DPP6: variants seen among roughly 807,000 people sequenced by gnomAD.
The protein encoded by DPP6 is A-type potassium channel modulatory protein DPP6.
A neutral mutation model predicts 122.6 loss-of-function variants in DPP6; 69 were observed. The observed-to-expected ratio is 0.56, with a 90% CI of 0.46 to 0.69. The LOEUF is 0.69. Among genes scored for constraint, DPP6 ranks in the 30% least tolerant of loss-of-function variants. The pLI is 0.00. For synonymous variants in DPP6, 418 were observed against 433.1 expected (o/e 0.97, Z 0.43); for missense variants, 928 against 1,116.9 (o/e 0.83, Z 2.41).
At chr7:154,710,592 C>T (rs1322041353) in intron 7 of DPP6, among the ~76,000 whole-genome samples, 1 of 152,196 alleles carries the variant, frequency 6.6e-6, no homozygotes, top group Non-Finnish European at 1.5e-5. Context: ...CACCAGGACT[C>T]CTTAGGTTGT....
chr7:154,270,161 T>G (rs568962650), intron 1 of DPP6, among the ~76,000 whole-genome samples: 7 of 152,172 alleles, frequency 4.6e-5, no homozygotes, highest in Non-Finnish European at 8.8e-5. Flanking sequence ...CATTGTTAGT[T>G]TTCCATATTC....
At chr7:154,670,962 A>T (rs1426524189) in intron 7 of DPP6, among the ~76,000 whole-genome samples, 1 of 152,238 alleles carries the variant, frequency 6.6e-6, no homozygotes, top group Non-Finnish European at 1.5e-5. Flanking sequence ...TATGTAACTG[A>T]TCAAAATCAC....
At chr7:153,868,268 A>C in the DPP6 span, among the ~76,000 whole-genome samples, 4 of 152,042 alleles carry the variant, frequency 2.6e-5, no homozygotes, top group African/African-American at 4.8e-5. Context: ...TTGGCTGTGA[A>C]TCCATCTGGT....
At chr7:153,838,645 G>A in the DPP6 span, among the ~76,000 whole-genome samples, 1 of 152,188 alleles carries the variant, frequency 6.6e-6, no homozygotes, top group African/African-American at 2.4e-5. Context: ...GAGTGAAATA[G>A]CGTATAGTAA....
At chr7:154,187,288 G>GGT (rs1798396018) in intron 1 of DPP6, among the ~76,000 whole-genome samples, 6 of 152,192 alleles carry the variant, frequency 3.9e-5, no homozygotes, top group African/African-American at 4.8e-5. Context: ...GTGGGAATAA[G>GGT]AGCACAGTTG....
intron 16 of DPP6, among the ~76,000 whole-genome samples, chr7:154,808,166 C>A (rs983297696): frequency 6.6e-5 from 10 of 152,216 alleles, no homozygotes; most frequent in African/African-American, 1.7e-4. Flanking sequence ...GAGTTTCAAT[C>A]CCCTAAGCCA....
chr7:154,668,730 C>T (rs1033544877), intron 6 of DPP6, among the ~76,000 whole-genome samples: 1 of 152,142 alleles, frequency 6.6e-6, no homozygotes, highest in African/African-American at 2.4e-5. Context: ...ATTTTTCCCA[C>T]CATGACCTTT....
chr7:154,419,885 G>A (rs1278781880), intron 1 of DPP6, among the ~76,000 whole-genome samples: 1 of 152,204 alleles, frequency 6.6e-6, no homozygotes, highest in Non-Finnish European at 1.5e-5. Context: ...AGAGACACCA[G>A]CACCCCCATG....
chr7:154,209,707 A>G (rs918559532), intron 1 of DPP6, among the ~76,000 whole-genome samples: 4 of 152,194 alleles, frequency 2.6e-5, no homozygotes, highest in African/African-American at 9.7e-5. Context: ...GAGTTCGGAA[A>G]TTGCTTTTTG....
chr7:154,570,839 T>C (rs75106197), intron 5 of DPP6, among the ~76,000 whole-genome samples: 1,856 of 152,242 alleles, frequency 0.012, 18 homozygotes, highest in South Asian at 0.016. Flanking sequence ...TCAAGTAAAT[T>C]TGAGAAACAG....
intron 5 of DPP6, among the ~76,000 whole-genome samples, chr7:154,612,381 A>G (rs750012893): frequency 3.3e-5 from 5 of 152,246 alleles, no homozygotes; most frequent in Non-Finnish European, 2.9e-5. Context: ...TGTCATTTCA[A>G]GAATGTTATA....
At chr7:154,396,963 C>CT (rs974482206) in intron 1 of DPP6, among the ~76,000 whole-genome samples, 3 of 151,920 alleles carry the variant, frequency 2.0e-5, no homozygotes, top group South Asian at 2.1e-4. Context: ...AAAAAGTACT[C>CT]TTTTTTTGCA....
In DPP6 at chr7:154,893,259, G is replaced by T; in HGVS notation, c.*779G>T. 3.8e-6 allele frequency: 1 copy of T among 260,510 alleles called. No homozygotes were observed. The highest frequency in any genetic ancestry group is 7.6e-6 in the Non-Finnish European group (1 of 131,418). The allele number at this position is 260,510 out of a possible 1,614,324, so 16.1% of individuals were successfully genotyped here. ...CCTCAAGGTTGTCTTCAGACGTCTT[G>T]GGGACGTTCCTAAACACTGAGGGGG... is the stretch of plus-strand genomic sequence containing the variant. On this transcript the variant is annotated 3_prime_UTR_variant, in exon 26 of 26. Transcript: ENST00000377770.
At position 153,984,053 on chromosome 7, in the gene DPP6, A is replaced by AACACACAC. The variant is rs528640069; in HGVS notation, c.51+96362_51+96369dup. Among the ~76,000 whole-genome samples the AACACACAC allele has an allele frequency of 1.0e-3, 134 of 132,010 alleles. 1 individual carries two copies. Among genetic ancestry groups the AACACACAC allele is most frequent in the East Asian group, 4.2e-3 (18 of 4,278 alleles). 86.6% of individuals were successfully genotyped at this position (132,010 alleles called of 152,430 possible). ...TTATTCTAACAACCATTCTGTCCATAACACACACACACACACACACACACA... is the reference window on the plus strand; with the variant it reads ...TTATTCTAACAACCATTCTGTCCATAACACACACACACACACACACACACACACACACA... On this transcript the variant is annotated intron_variant, in intron 1 of 25. Transcript: ENST00000404039.
rs564477141 is a variant in DPP6 at position 154,564,033 on chromosome 7, A to G, written c.553-2809A>G. On this transcript the variant is annotated intron_variant, in intron 4 of 25. Transcript: ENST00000377770. ...AAGGAGAAGCACAAAATAGCATGAA[A>G]AGAACCAGCGAGGGAGGTAGGAGAA... Among the ~76,000 whole-genome samples, 13 of 152,304 alleles carry G rather than the reference A, an allele frequency of 8.5e-5. No homozygotes were observed. The South Asian group carries it at 2.7e-3, about 32-fold the overall frequency.
the DPP6 span, among the ~76,000 whole-genome samples, chr7:153,839,418 A>C: frequency 3.9e-5 from 6 of 152,296 alleles, no homozygotes; most frequent in Non-Finnish European, 1.5e-5. Flanking sequence ...TTTGCAATGC[A>C]ATGGTGAGGA....
At chr7:154,807,643 G>A (rs10243577) in intron 16 of DPP6, among the ~76,000 whole-genome samples, 7,572 of 152,114 alleles carry the variant, frequency 0.05, 607 homozygotes, top group African/African-American at 0.17. Flanking sequence ...CTAACATGGC[G>A]AAATCCCGTC....
chr7:153,759,233 T>C, the DPP6 span, among the ~76,000 whole-genome samples: 21 of 152,162 alleles, frequency 1.4e-4, no homozygotes, highest in South Asian at 3.7e-3. Context: ...TGGTTTCTAC[T>C]GAGTTGAGAG....
intron 1 of DPP6, among the ~76,000 whole-genome samples, chr7:153,923,464 A>G (rs994107227): frequency 6.6e-6 from 1 of 152,078 alleles, no homozygotes; most frequent in Admixed American, 6.6e-5. Flanking sequence ...TCATGAATAG[A>G]AGGTTCCTTC....
Sources: allele counts gnomAD v4.1 joint callset (sites outside exome capture counted in the v4.1 genomes callset), GRCh38; gene constraint gnomAD v4.1.1; transcripts MANE v1.5; gene names NCBI Gene and HGNC (gene_info 2026-07-23, HGNC 2026-07-21).